Variants in ZCCHC14 observed in about 807,000 individuals in gnomAD.
The protein encoded by ZCCHC14 is zinc finger CCHC domain-containing protein 14.
Under a neutral mutation model 85.0 loss-of-function variants are expected in ZCCHC14, and 16 were observed. That is an observed-to-expected ratio of 0.19 (90% CI 0.13 to 0.29). The LOEUF (loss-of-function observed/expected upper bound fraction) is 0.29, where lower values mean the gene tolerates loss of function less well. Among genes scored for constraint, ZCCHC14 ranks in the 10% least tolerant of loss-of-function variants. The pLI is 1.00. For synonymous variants in ZCCHC14, 775 were observed against 630.7 expected (o/e 1.23, Z -3.43); for missense variants, 1,303 against 1,443.5 (o/e 0.90, Z 1.58).
intron 2 of ZCCHC14, among the ~76,000 whole-genome samples, chr16:87,456,315 G>A (rs1910957648): frequency 6.6e-6 from 1 of 151,966 alleles, no homozygotes; most frequent in African/African-American, 2.4e-5. Context: ...CGGATCACGA[G>A]GTCAGGAGAT....
Position 87,412,520 on chromosome 16 carries a change from A to G in ZCCHC14, c.2201T>C (p.Val734Ala). 6.2e-7 allele frequency: 1 copy of G among 1,614,022 alleles called. No individual in the cohort carries two copies. Among genetic ancestry groups the G allele is most frequent in the Non-Finnish European group, 8.5e-7 (1 of 1,180,014 alleles). ...CACCCTGTCCAGCGTGGATGCATGC[A>G]CGACTTTGGTCCGGGGACCAAAGGA... The part of the protein sequence containing the change: ...TVSFGPRTKV[V>A]HASTLDRVLK... Residue 734 changes from valine to alanine, a missense_variant, in exon 12 of 13, where the codon GTG (valine) becomes GCG (alanine). By Grantham distance (64) the Val-to-Ala change is moderately conservative. This residue lies in a region of ZCCHC14 where 797 missense variants were observed against 730.8 expected (regional missense o/e 1.09). Transcript: ENST00000671377.
chr16:87,484,593 G>A (rs371381993), intron 1 of ZCCHC14, among the ~76,000 whole-genome samples: 2 of 152,188 alleles, frequency 1.3e-5, no homozygotes, highest in African/African-American at 4.8e-5. Context: ...ACATATATGT[G>A]CACAAACATG....
intron 2 of ZCCHC14, among the ~76,000 whole-genome samples, chr16:87,458,716 T>A (rs191702360): frequency 1.3e-5 from 2 of 151,940 alleles, no homozygotes; most frequent in Admixed American, 1.3e-4. Flanking sequence ...TGCGGGGCGG[T>A]TGGGGGAGAG....
At chr16:87,485,215 C>T (rs1265227423) in intron 1 of ZCCHC14, among the ~76,000 whole-genome samples, 1 of 152,170 alleles carries the variant, frequency 6.6e-6, no homozygotes. Context: ...AGACATGACA[C>T]ACGGCTGCTA....
chr16:87,433,979 G>C (rs565628436), intron 2 of ZCCHC14, among the ~76,000 whole-genome samples: 1 of 152,260 alleles, frequency 6.6e-6, no homozygotes, highest in African/African-American at 2.4e-5. Context: ...ATCCTTCTCT[G>C]CGAGGGCAAG....
intron 2 of ZCCHC14, among the ~76,000 whole-genome samples, chr16:87,449,098 G>A (rs1457291855): frequency 7.9e-5 from 12 of 152,296 alleles, no homozygotes; most frequent in East Asian, 3.9e-4. Context: ...GAACAGTCAC[G>A]GAGCATGGCC....
In ZCCHC14 at chr16:87,406,257, A is replaced by C. The variant is rs990332353; in HGVS notation, c.*4023T>G. ...CTAGTGAAATAAAACAGCCTTTTTTAAAATTTTTATTTTCAGTACATTAAA... is the reference window on the plus strand; with the variant it reads ...CTAGTGAAATAAAACAGCCTTTTTTCAAATTTTTATTTTCAGTACATTAAA... On this transcript the variant is annotated 3_prime_UTR_variant, in exon 13 of 13. Transcript: ENST00000671377. The C allele has an allele frequency of 9.8e-5, 15 of 152,496 alleles. No homozygotes were observed. Among genetic ancestry groups the C allele is most frequent in the Admixed American group, 2.6e-4 (4 of 15,272 alleles). 9.4% of individuals were successfully genotyped at this position (152,496 alleles called of 1,614,324 possible). A position where few individuals can be genotyped will look rare whatever the true frequency, so the allele number is the denominator to read the frequency against.
intron 3 of ZCCHC14, among the ~76,000 whole-genome samples, chr16:87,425,178 G>A (rs1909304809): frequency 6.6e-6 from 1 of 152,154 alleles, no homozygotes; most frequent in Non-Finnish European, 1.5e-5. Context: ...TTCTTCACCA[G>A]AACCCCAGTG....
intron 1 of ZCCHC14, chr16:87,471,078 A>G (rs1911751633): frequency 6.6e-6 from 1 of 152,204 alleles, no homozygotes; most frequent in Non-Finnish European, 1.5e-5. Flanking sequence ...AGGGGTTAAC[A>G]TGAACTTCAA....
intron 2 of ZCCHC14, among the ~76,000 whole-genome samples, chr16:87,443,886 A>T (rs572548557): frequency 6.6e-6 from 1 of 152,110 alleles, no homozygotes; most frequent in Non-Finnish European, 1.5e-5. Context: ...AAAATACAAA[A>T]ATTAACTAGG....
intron 2 of ZCCHC14, among the ~76,000 whole-genome samples, chr16:87,443,277 T>C (rs768770600): frequency 6.6e-6 from 1 of 152,188 alleles, no homozygotes; most frequent in Admixed American, 6.5e-5. Flanking sequence ...CCAGGCAGAC[T>C]GGGGTCACTG....
At position 87,420,745 on chromosome 16, in the gene ZCCHC14, G is replaced by A; in HGVS notation, c.841-29C>T. 1 of 1,584,084 alleles carries A rather than the reference G, an allele frequency of 6.3e-7. No individual in the cohort carries two copies. Among genetic ancestry groups the A allele is most frequent in the Non-Finnish European group, 8.6e-7 (1 of 1,160,326 alleles). On this transcript the variant is annotated intron_variant, in intron 4 of 12. Coordinates refer to ENST00000671377, the MANE Select transcript of ZCCHC14 (RefSeq NM_015144.3). The surrounding 1 kb of genome is among the most constrained non-coding windows in gnomAD (Gnocchi z 5.0). ...GAAGAGAGGACAAGGTAGAGGAGGT[G>A]TGTCCAGACCCATCCAACACCAGCA...
At chr16:87,446,533 C>G (rs1910447674) in intron 2 of ZCCHC14, among the ~76,000 whole-genome samples, 1 of 151,704 alleles carries the variant, frequency 6.6e-6, no homozygotes, top group African/African-American at 2.4e-5. Flanking sequence ...CCCACAAACA[C>G]AAAAACATGA....
Position 87,407,420 on chromosome 16 carries a change from A to C in ZCCHC14, c.*2860T>G, listed in dbSNP as rs575004453. ...CCCATTTCCTCAGTGCTCTTTAGCA[A>C]TGAGTTTTTATGTTAAACACTTCCA... On this transcript the variant is annotated 3_prime_UTR_variant, in exon 13 of 13. Transcript: ENST00000671377. 1.4e-4 allele frequency: 22 copies of C among 152,356 alleles called. No homozygotes were observed. Among genetic ancestry groups the C allele is most frequent in the African/African-American group, 5.1e-4 (21 of 41,582 alleles). 9.4% of individuals were successfully genotyped at this position (152,356 alleles called of 1,614,324 possible).
chr16:87,451,860 C>A (rs1160543463), intron 2 of ZCCHC14, among the ~76,000 whole-genome samples: 2 of 152,248 alleles, frequency 1.3e-5, no homozygotes, highest in African/African-American at 4.8e-5. Flanking sequence ...TCCTGCAGGT[C>A]TGCTGCATTC....
intron 1 of ZCCHC14, chr16:87,467,031 GA>G (rs11313581): frequency 0.27 from 88,517 of 329,290 alleles, 12,559 homozygotes; most frequent in South Asian, 0.6. Flanking sequence ...TGTTTTTCAT[GA>G]AAAAAAAAAA....
intron 1 of ZCCHC14, chr16:87,470,867 TTTTTA>T (rs1911744131): frequency 6.6e-6 from 1 of 152,220 alleles, no homozygotes; most frequent in Non-Finnish European, 1.5e-5. Flanking sequence ...CTCTGGGTAA[TTTTTA>T]TTTTATTTTT....
intron 1 of ZCCHC14, among the ~76,000 whole-genome samples, chr16:87,462,766 G>T (rs1567535174): frequency 7.2e-6 from 1 of 138,160 alleles, no homozygotes; most frequent in Non-Finnish European, 1.6e-5. Context: ...AAAGAAAAAA[G>T]AAAAAAAACA....
In ZCCHC14 at chr16:87,420,755, C is replaced by A; in HGVS notation, c.841-39G>T. 5 of 1,523,880 alleles carry A rather than the reference C, an allele frequency of 3.3e-6. No homozygotes were observed. Among genetic ancestry groups the A allele is most frequent in the East Asian group, 2.3e-5 (1 of 42,936 alleles). The allele number at this position is 1,523,880 out of a possible 1,614,324, so 94.4% of individuals were successfully genotyped here. On this transcript the variant is annotated intron_variant, in intron 4 of 12. Transcript: ENST00000671377. This position sits in a 1 kb window ranked among gnomAD's most constrained non-coding sequence, Gnocchi z 5.0. ...CAAGGTAGAGGAGGTGTGTCCAGAC[C>A]CATCCAACACCAGCAGAATTCTGCT...
Sources: allele counts gnomAD v4.1 joint callset (sites outside exome capture counted in the v4.1 genomes callset), GRCh38; gene constraint gnomAD v4.1.1; regional missense constraint gnomAD v4.1.1; non-coding constraint Gnocchi (gnomAD v3.1); transcripts MANE v1.5; gene names NCBI Gene and HGNC (gene_info 2026-07-23, HGNC 2026-07-21).